The following ASIC2 variants were observed in gnomAD, a reference collection of about 807,000 sequenced individuals.
The protein encoded by ASIC2 is acid sensing ion channel subunit 2.
ASIC2 carries 25 observed loss-of-function variants against 57.3 expected under a neutral mutation model. The ratio of observed to expected loss-of-function variants is 0.44; its 90% confidence interval spans 0.32 to 0.61. The LOEUF (loss-of-function observed/expected upper bound fraction) is 0.61. ASIC2 is among the 20% of genes least tolerant of loss of function. ASIC2 has a pLI of 0.06. For synonymous variants in ASIC2, 319 were observed against 307.5 expected (o/e 1.04, Z -0.39); for missense variants, 641 against 738.1 (o/e 0.87, Z 1.52).
At chr17:33,654,039 T>C (rs8070120) in intron 1 of ASIC2, among the ~76,000 whole-genome samples, 55,903 of 152,024 alleles carry the variant, frequency 0.37, 10,443 homozygotes, top group African/African-American at 0.43. Context: ...ATGGATGCAG[T>C]TCTTTCTACT....
At chr17:33,186,564 A>G (rs1906204386) in intron 1 of ASIC2, among the ~76,000 whole-genome samples, 1 of 152,236 alleles carries the variant, frequency 6.6e-6, no homozygotes, top group South Asian at 2.1e-4. Context: ...AATGGGTCGT[A>G]AAGCTGCAGA....
intron 1 of ASIC2, among the ~76,000 whole-genome samples, chr17:33,138,272 G>A (rs1235338259): frequency 1.3e-5 from 2 of 152,178 alleles, no homozygotes; most frequent in Admixed American, 1.3e-4. Context: ...CACTGCTTCA[G>A]GAGTTGTCAT....
chr17:33,777,805 C>T (rs561198913), intron 1 of ASIC2, among the ~76,000 whole-genome samples: 9 of 152,300 alleles, frequency 5.9e-5, no homozygotes, highest in East Asian at 1.9e-4. Flanking sequence ...CGGTTATTAT[C>T]GTAACAAGAC....
chr17:33,579,988 C>T (rs925038241), intron 1 of ASIC2: 2 of 152,130 alleles, frequency 1.3e-5, no homozygotes, highest in African/African-American at 2.4e-5. Context: ...GGTATGTTTA[C>T]AAACCTCTAG....
chr17:33,065,800 A>G (rs1322602392), intron 3 of ASIC2, among the ~76,000 whole-genome samples: 1 of 152,210 alleles, frequency 6.6e-6, no homozygotes, highest in African/African-American at 2.4e-5. Flanking sequence ...AGTGGAGTAA[A>G]ATGAAAAACT....
intron 1 of ASIC2, among the ~76,000 whole-genome samples, chr17:33,436,952 G>A (rs1250916402): frequency 7.8e-6 from 1 of 127,540 alleles, no homozygotes; most frequent in South Asian, 2.8e-4. Context: ...TGCAAGCTCC[G>A]CCTCCCAGGT....
chr17:33,183,969 T>C (rs1015827932), intron 1 of ASIC2, among the ~76,000 whole-genome samples: 2 of 152,134 alleles, frequency 1.3e-5, no homozygotes, highest in African/African-American at 2.4e-5. Flanking sequence ...TTCAGACAAA[T>C]TAAGATAACA....
chr17:34,018,275 G>T (rs1405489434), intron 1 of ASIC2, among the ~76,000 whole-genome samples: 1 of 152,156 alleles, frequency 6.6e-6, no homozygotes, highest in Non-Finnish European at 1.5e-5. Context: ...TTACAGCATG[G>T]TTTACTGAAT....
chr17:33,461,850 T>C (rs1406894760), intron 1 of ASIC2, among the ~76,000 whole-genome samples: 1 of 152,140 alleles, frequency 6.6e-6, no homozygotes, highest in African/African-American at 2.4e-5. Flanking sequence ...TCAGAAAACC[T>C]TGAGGCTGTA....
chr17:33,082,399 TC>T (rs2092116409), intron 3 of ASIC2, among the ~76,000 whole-genome samples: 1 of 152,146 alleles, frequency 6.6e-6, no homozygotes, highest in Non-Finnish European at 1.5e-5. Flanking sequence ...GCTTCTGATA[TC>T]AAATCATGAC....
At chr17:34,126,805 C>T (rs1191963562) in intron 1 of ASIC2, among the ~76,000 whole-genome samples, 7 of 152,162 alleles carry the variant, frequency 4.6e-5, no homozygotes, top group Non-Finnish European at 1.0e-4. Context: ...CTGCAGATTC[C>T]GTTTCTGCAG....
intron 1 of ASIC2, among the ~76,000 whole-genome samples, chr17:33,604,699 G>C (rs1905185481): frequency 6.6e-6 from 1 of 152,108 alleles, no homozygotes; most frequent in Non-Finnish European, 1.5e-5. Context: ...AGGAGAGCCA[G>C]GTAGATGGGC....
At chr17:34,049,890 C>T (rs1412558843) in intron 1 of ASIC2, among the ~76,000 whole-genome samples, 1 of 152,162 alleles carries the variant, frequency 6.6e-6, no homozygotes, top group Non-Finnish European at 1.5e-5. Flanking sequence ...AACCCTGTTT[C>T]TCACATATTG....
intron 1 of ASIC2, among the ~76,000 whole-genome samples, chr17:33,922,889 G>T (rs942583733): frequency 6.6e-6 from 1 of 152,160 alleles, no homozygotes; most frequent in Non-Finnish European, 1.5e-5. Context: ...TATCTCAGCT[G>T]GCTGGGGATC....
intron 1 of ASIC2, among the ~76,000 whole-genome samples, chr17:33,800,267 A>G (rs993134905): frequency 3.9e-5 from 6 of 152,144 alleles, no homozygotes; most frequent in Admixed American, 6.5e-5. Context: ...TCAACTTGGA[A>G]TGCACACCCC....
At chr17:33,939,519 C>T (rs1303768147) in intron 1 of ASIC2, among the ~76,000 whole-genome samples, 1 of 152,162 alleles carries the variant, frequency 6.6e-6, no homozygotes, top group Non-Finnish European at 1.5e-5. Context: ...TTCCCTGGAT[C>T]CCCTGCATAA....
intron 1 of ASIC2, among the ~76,000 whole-genome samples, chr17:33,766,414 C>T (rs1399022598): frequency 6.6e-6 from 1 of 152,132 alleles, no homozygotes; most frequent in Non-Finnish European, 1.5e-5. Context: ...CAAGTGGTTT[C>T]CTTGAAGCCT....
intron 1 of ASIC2, among the ~76,000 whole-genome samples, chr17:33,735,741 C>T (rs959091860): frequency 5.3e-5 from 8 of 152,130 alleles, no homozygotes; most frequent in African/African-American, 1.9e-4. Flanking sequence ...TGGGATCACT[C>T]ACTGTGCTCC....
At chr17:33,663,969 T>G (rs1334205982) in intron 1 of ASIC2, among the ~76,000 whole-genome samples, 1 of 152,164 alleles carries the variant, frequency 6.6e-6, no homozygotes, top group Admixed American at 6.5e-5. Context: ...ATTCTTTGCT[T>G]TTACTGTTGC....
Sources: gnomAD v4.1 joint callset for allele counts (sites outside exome capture counted in the v4.1 genomes callset) on GRCh38, gnomAD v4.1.1 for gene constraint, MANE v1.5 for transcripts, NCBI Gene and HGNC (gene_info 2026-07-23, HGNC 2026-07-21) for gene names.